The following BNIP1 variants were observed in gnomAD, a reference collection of about 807,000 sequenced individuals.
BNIP1 encodes the protein BCL2 interacting protein 1.
Under a neutral mutation model 28.5 loss-of-function variants are expected in BNIP1, and 25 were observed. The ratio of observed to expected loss-of-function variants is 0.88; its 90% CI spans 0.64 to 1.23. BNIP1 has a LOEUF of 1.23. BNIP1 is among the 50% of genes most tolerant of loss of function. The probability of loss-of-function intolerance (pLI) is 0.00; values close to 1 mark genes in which losing one functional copy is unlikely to be tolerated. For missense variants in BNIP1, 276 were observed against 277.0 expected, an observed-to-expected ratio of 1.00 and a Z score of 0.02; for synonymous variants, 118 against 101.7, an observed-to-expected ratio of 1.16 and a Z score of -0.96.
rs141675874 is a variant in BNIP1, at chr5:173,153,729, A to G, written c.178-593A>G. Among the ~76,000 whole-genome samples, 6 of 152,114 alleles carry G rather than the reference A, an allele frequency of 3.9e-5. No individual in the cohort carries two copies. In the East Asian group the frequency reaches 5.8e-4, roughly 15 times the overall value. ...TTTCCCTCTGTGCTGGTAGATGGAC[A>G]TTTTTTTATACCATTTTCCTGTGTC... On this transcript the variant is annotated intron_variant, in intron 2 of 5. Coordinates refer to ENST00000351486, the MANE Select transcript of BNIP1 (RefSeq NM_001205.3).
chr5:173,144,722 C>A, intron 1 of BNIP1, 93 bp downstream of exon 1: 1 of 1,367,554 alleles, frequency 7.3e-7, no homozygotes, highest in Admixed American at 2.0e-5. Context: ...GAACTTTCCC[C>A]ACTTGGTTTC....
chr5:173,160,182 A>G (rs1385410291), intron 5 of BNIP1, 131 bp downstream of exon 5: 1 of 750,660 alleles, frequency 1.3e-6, no homozygotes, highest in African/African-American at 1.8e-5. Context: ...CTTCTCCCTC[A>G]TGAGATGACT....
At chr5:173,155,699 A>C (rs977382813) in intron 3 of BNIP1, among the ~76,000 whole-genome samples, 3 of 149,480 alleles carry the variant, frequency 2.0e-5, no homozygotes, top group Non-Finnish European at 4.5e-5. Flanking sequence ...CCTTAAAAAC[A>C]AAAAAAAAAT....
chr5:173,153,781 G>A (rs1760097371), intron 2 of BNIP1, among the ~76,000 whole-genome samples: 1 of 151,988 alleles, frequency 6.6e-6, no homozygotes, highest in Admixed American at 6.6e-5. Context: ...TTTTAGATTT[G>A]TGGTGATCTC....
intron 3 of BNIP1, among the ~76,000 whole-genome samples, chr5:173,158,005 C>G (rs541395989): frequency 3.3e-5 from 5 of 151,328 alleles, no homozygotes; most frequent in South Asian, 4.2e-4. Context: ...CGGCTCACTG[C>G]AACCTCCACT....
intron 2 of BNIP1, among the ~76,000 whole-genome samples, chr5:173,150,728 TC>T (rs1156958412): frequency 6.6e-6 from 1 of 152,218 alleles, no homozygotes; most frequent in Non-Finnish European, 1.5e-5. Flanking sequence ...CCAGAGTTTC[TC>T]TACTCAAATA....
At chr5:173,156,750 C>T (rs1409746623) in intron 3 of BNIP1, among the ~76,000 whole-genome samples, 3 of 151,242 alleles carry the variant, frequency 2.0e-5, no homozygotes, top group Admixed American at 6.6e-5. Context: ...CGGGTTCACG[C>T]CATTCTCCTG....
At chr5:173,154,857 C>T (rs892828017) in intron 3 of BNIP1, among the ~76,000 whole-genome samples, 12 of 152,112 alleles carry the variant, frequency 7.9e-5, no homozygotes, top group Admixed American at 7.2e-4. Context: ...AATGTTCTCT[C>T]TCAGTCAGCA....
At chr5:173,158,601 A>C in intron 3 of BNIP1, 143 bp from the exon 4 acceptor site, 1 of 615,842 alleles carries the variant, frequency 1.6e-6, no homozygotes, top group Non-Finnish European at 2.9e-6. Flanking sequence ...AGGAGGCGGA[A>C]GTGGCAGGAG....
In BNIP1 at chr5:173,157,706, C is replaced by T. The variant is rs557908654; in HGVS notation, c.270-1038C>T. ...TTGGGATTACAGATGTGAGCCACCA[C>T]GCCCGGTCAACTGTCACATTTCTAA... On this transcript the variant is annotated intron_variant, in intron 3 of 5. Coordinates refer to ENST00000351486, the MANE Select transcript of BNIP1 (RefSeq NM_001205.3). Among the ~76,000 whole-genome samples, 7 of 152,010 alleles carry T rather than the reference C, an allele frequency of 4.6e-5. No individual in the cohort carries two copies. In the East Asian group the frequency reaches 9.7e-4, roughly 21 times the overall value.
chr5:173,151,533 C>T (rs1760018772), intron 2 of BNIP1: 6 of 1,583,134 alleles, frequency 3.8e-6, no homozygotes, highest in Non-Finnish European at 5.1e-6. Context: ...TCATTCTTTT[C>T]TAAATAACTG....
At chr5:173,160,965 C>T (rs1760343715) in intron 5 of BNIP1, 1 of 404,290 alleles carries the variant, frequency 2.5e-6, no homozygotes, top group African/African-American at 2.1e-5. Context: ...TATAAGACAA[C>T]AGAAAAAGGG....
chr5:173,150,995 A>G lies in BNIP1; in HGVS notation c.178-3327A>G, dbSNP rs567148563. Among the ~76,000 whole-genome samples the G allele has an allele frequency of 1.0e-3, 156 of 150,398 alleles. 2 individuals carry two copies. In the South Asian group the frequency reaches 0.015, roughly 14 times the overall value. On this transcript the variant is annotated intron_variant, in intron 2 of 5. Transcript: ENST00000351486. Reference sequence around the variant, plus strand: ...GGATTACAGGTGTGTGCCACCACACACAGCTAATTTTTCGTATTTTTAGTA... The same window carrying G: ...GGATTACAGGTGTGTGCCACCACACGCAGCTAATTTTTCGTATTTTTAGTA...
At chr5:173,148,128 ATATATATATT>A (rs1461081781) in intron 2 of BNIP1, among the ~76,000 whole-genome samples, 18 of 102,712 alleles carry the variant, frequency 1.8e-4, no homozygotes, top group African/African-American at 5.4e-4. Context: ...ATATATATAT[ATATATATATT>A]TTAATAGAGA....
Position 173,155,659 on chromosome 5 carries a change from C to T in BNIP1, c.269+1246C>T, listed in dbSNP as rs954167535. ...GTTGCAGTGAGCCGAGATTGCTGCA[C>T]TCCAGCCTGGGTGACAGAGTGAGAC... On this transcript the variant is annotated intron_variant, in intron 3 of 5. Transcript: ENST00000351486. Among the ~76,000 whole-genome samples the T allele has an allele frequency of 1.2e-4, 18 of 152,158 alleles. 1 individual carries two copies. The South Asian group carries it at 3.7e-3, about 32-fold the overall frequency.
At chr5:173,155,885 C>A (rs1760172988) in intron 3 of BNIP1, among the ~76,000 whole-genome samples, 1 of 151,492 alleles carries the variant, frequency 6.6e-6, no homozygotes, top group African/African-American at 2.4e-5. Context: ...CTGGCTAAAT[C>A]ATTCTCTTTT....
At chr5:173,153,449 G>T (rs912017431) in intron 2 of BNIP1, among the ~76,000 whole-genome samples, 1 of 151,962 alleles carries the variant, frequency 6.6e-6, no homozygotes, top group East Asian at 1.9e-4. Flanking sequence ...GGATGGTCTC[G>T]ATCTCCTGAC....
chr5:173,153,244 T>C (rs1760071692), intron 2 of BNIP1, among the ~76,000 whole-genome samples: 1 of 151,934 alleles, frequency 6.6e-6, no homozygotes, highest in Non-Finnish European at 1.5e-5. Context: ...TTTTTTTTTT[T>C]TTTGAGACAG....
chr5:173,159,458 C>T (rs1008671943), intron 4 of BNIP1, among the ~76,000 whole-genome samples: 10 of 145,938 alleles, frequency 6.9e-5, no homozygotes, highest in African/African-American at 2.5e-4. Flanking sequence ...TCTGCTGTTT[C>T]AGCACAAAAG....
Sources: gnomAD v4.1 joint callset for allele counts (sites outside exome capture counted in the v4.1 genomes callset) on GRCh38, gnomAD v4.1.1 for gene constraint, MANE v1.5 for transcripts, NCBI Gene and HGNC (gene_info 2026-07-23, HGNC 2026-07-21) for gene names.